The following KCNN4 variants were observed in gnomAD, a reference collection of about 807,000 sequenced individuals.
KCNN4 encodes potassium calcium-activated channel subfamily N member 4.
In KCNN4, 31 loss-of-function variants were observed where a neutral mutation model predicts 45.2. That is an observed-to-expected ratio of 0.69 (90% CI 0.52 to 0.92). The LOEUF (loss-of-function observed/expected upper bound fraction) is 0.92. KCNN4 is among the 40% of genes least tolerant of loss of function. The probability of loss-of-function intolerance (pLI) is 0.00; values close to 1 mark genes in which losing one functional copy is unlikely to be tolerated. For synonymous variants in KCNN4, 231 were observed against 254.6 expected (o/e 0.91, Z 0.88); for missense variants, 463 against 574.0 (o/e 0.81, Z 1.98).
chr19:43,776,574 G>A lies in KCNN4; in HGVS notation c.222C>T (p.Cys74=), dbSNP rs1440378597. 2 of 1,613,830 alleles carry A rather than the reference G, an allele frequency of 1.2e-6. No homozygotes were observed. The highest frequency in any genetic ancestry group is 1.1e-5 in the South Asian group (1 of 91,086). The change falls in exon 2 of 9, where the codon TGC becomes TGT. Residue 74 remains cysteine, a synonymous_variant. Transcript: ENST00000648319. Reference sequence around the variant, plus strand: ...CTTTGGCATGAAAGGCCACGATGAGGCAGAGGAGTAAGAAGGTGGAAATGC... The same window carrying A: ...CTTTGGCATGAAAGGCCACGATGAGACAGAGGAGTAAGAAGGTGGAAATGC... The part of the protein sequence containing the change: ...TISISTFLLL[C]LIVAFHAKEV...
chr19:43,767,634 G>C lies in KCNN4; in HGVS notation c.1193C>G (p.Thr398Arg). The C allele has an allele frequency of 6.2e-7, 1 of 1,614,176 alleles. No homozygotes were observed. The highest frequency in any genetic ancestry group is 8.5e-7 in the Non-Finnish European group (1 of 1,180,030). Reference protein sequence around the residue: ...SHRALEKQIDTLAGKLDALTE... With the variant: ...SHRALEKQIDRLAGKLDALTE... ...CAGGGCATCCAGCTTCCCCGCCAGC[G>C]TGTCAATCTGTTTCTCCAGGGCCCG... Residue 398 changes from threonine to arginine, a missense_variant, in exon 8 of 9, where the codon ACG becomes AGG. This residue lies in a region of KCNN4 where 129 missense variants were observed against 149.4 expected (regional missense o/e 0.86). Transcript: ENST00000648319.
intron 7 of KCNN4, 37 bp downstream of exon 7, chr19:43,768,926 C>T (rs769117930): frequency 1.9e-6 from 3 of 1,609,728 alleles, no homozygotes; most frequent in South Asian, 2.2e-5. Flanking sequence ...CCCAACCTCC[C>T]CCTTCTTCAA....
At chr19:43,771,554 G>C (rs1969644449) in intron 4 of KCNN4, among the ~76,000 whole-genome samples, 1 of 152,184 alleles carries the variant, frequency 6.6e-6, no homozygotes, top group Admixed American at 6.5e-5. Context: ...TGGAGGCTGG[G>C]AGACGATTTC....
At chr19:43,771,632 G>A (rs549358255) in intron 4 of KCNN4, among the ~76,000 whole-genome samples, 13 of 152,246 alleles carry the variant, frequency 8.5e-5, no homozygotes, top group African/African-American at 3.1e-4. Context: ...AAGGGCTGGG[G>A]CCCTAGGTTC....
At chr19:43,768,263 C>T (rs1969538978) in intron 7 of KCNN4, among the ~76,000 whole-genome samples, 1 of 152,234 alleles carries the variant, frequency 6.6e-6, no homozygotes. Flanking sequence ...TTGGGGCCTG[C>T]ATCTGTGACC....
chr19:43,770,205 C>G (rs879875660), intron 4 of KCNN4, among the ~76,000 whole-genome samples: 2 of 152,088 alleles, frequency 1.3e-5, no homozygotes, highest in Non-Finnish European at 2.9e-5. Context: ...CTTCCTAGCT[C>G]CAGCCCTGTC....
At chr19:43,770,262 C>T (rs929964481) in intron 4 of KCNN4, among the ~76,000 whole-genome samples, 4 of 152,152 alleles carry the variant, frequency 2.6e-5, no homozygotes, top group Admixed American at 6.5e-5. Flanking sequence ...CCTCCCCTAA[C>T]CCCCTTGGTC....
rs60705906 is a variant in KCNN4 at position 43,772,974 on chromosome 19, T to C, written c.684-839A>G. ...TCATTAATCCTGATTCTGACCAATT[T>C]CCCAATTGTGAAAACTAAGATCCTG... On this transcript the variant is annotated intron_variant, in intron 3 of 8. Coordinates refer to ENST00000648319, the MANE Select transcript of KCNN4 (RefSeq NM_002250.3). The surrounding 1 kb of genome is among the most constrained non-coding windows in gnomAD (Gnocchi z 4.4). Among the ~76,000 whole-genome samples, 5,077 of 152,226 alleles carry C rather than the reference T, an allele frequency of 0.033. 270 individuals are homozygous for C. Among genetic ancestry groups the C allele is most frequent in the African/African-American group, 0.12 (4,775 of 41,514 alleles).
chr19:43,777,310 TGTGTGTGTGTGTGTGG>T (rs1164413731), intron 1 of KCNN4, among the ~76,000 whole-genome samples: 2 of 148,764 alleles, frequency 1.3e-5, no homozygotes, highest in Admixed American at 1.4e-4. Context: ...TGTGTGTGTG[TGTGTGTGTGTGTGTGG>T]GTGTGTGTGT....
Position 43,772,053 on chromosome 19 carries a change from C to T in KCNN4, c.766G>A (p.Val256Met), listed in dbSNP as rs201430049. Residue 256 changes from valine to methionine, a missense_variant, in exon 4 of 9, where the codon GTG becomes ATG. By Grantham distance (21) the Val-to-Met change is conservative (BLOSUM62 1). Transcript: ENST00000648319. This position sits in a 1 kb window ranked among gnomAD's most constrained non-coding sequence, Gnocchi z 4.4. ...ITFLTIGYGD[V>M]VPGTMWGKIV... is the part of the protein sequence containing the mutation. ...TTGCCCCACATGGTGCCCGGCACCA[C>T]GTCACCATAGCCGATGGTCAGGAAT... 8 of 1,613,538 alleles carry T rather than the reference C, an allele frequency of 5.0e-6. No homozygotes were observed. The highest frequency in any genetic ancestry group is 2.2e-5 in the East Asian group (1 of 44,878).
chr19:43,772,123 A>T lies in KCNN4; in HGVS notation c.696T>A (p.Asn232Lys). 1 of 1,613,632 alleles carries T rather than the reference A, an allele frequency of 6.2e-7. No individual in the cohort carries two copies. The highest frequency in any genetic ancestry group is 8.5e-7 in the Non-Finnish European group (1 of 1,179,866). ...VLSVAERQAV[N>K]ATGHLSDTLW... ...GTGTGTCTGAAAGGTGCCCAGTGGC[A>T]TTAACAGCCTGCCTATGGGGAAGGG... Residue 232 changes from asparagine to lysine, a missense_variant, in exon 4 of 9, where the codon AAT becomes AAA. By Grantham distance (94) the Asn-to-Lys change is moderately conservative. This residue lies in a region of KCNN4 where 109 missense variants were observed against 183.7 expected (regional missense o/e 0.59). Coordinates refer to ENST00000648319, the MANE Select transcript of KCNN4 (RefSeq NM_002250.3). The surrounding 1 kb of genome is among the most constrained non-coding windows in gnomAD (Gnocchi z 4.4).
chr19:43,776,695 C>T, intron 1 of KCNN4, 59 bp from the exon 2 acceptor site: 2 of 1,081,950 alleles, frequency 1.8e-6, no homozygotes, highest in Admixed American at 1.9e-5. Context: ...GCCTGGCCCT[C>T]CACCTTTCCT....
rs1273748740 is a variant in KCNN4, at chr19:43,774,178, T to G, written c.683+14A>C. ...GGGTTCCCCCCTGCGCATTTATGCC[T>G]CCATCACCCTCACCTCTCGGCCACG... is the stretch of plus-strand genomic sequence containing the variant. On this transcript the variant is annotated intron_variant, in intron 3 of 8. Coordinates refer to ENST00000648319, the MANE Select transcript of KCNN4 (RefSeq NM_002250.3). This position sits in a 1 kb window ranked among gnomAD's most constrained non-coding sequence, Gnocchi z 5.6. The G allele has an allele frequency of 6.2e-7, 1 of 1,602,216 alleles. No individual in the cohort carries two copies.
At chr19:43,780,144 G>C (rs536827017) in intron 1 of KCNN4, among the ~76,000 whole-genome samples, 38 of 152,168 alleles carry the variant, frequency 2.5e-4, no homozygotes, top group African/African-American at 9.2e-4. Flanking sequence ...TTGGCTCTTG[G>C]GGGGCTTGAG....
In KCNN4 at chr19:43,771,995, C is replaced by T. The variant is rs769269597; in HGVS notation, c.819+5G>A. 1.2e-5 allele frequency: 19 copies of T among 1,603,198 alleles called. No individual in the cohort carries two copies. The highest frequency in any genetic ancestry group is 1.6e-5 in the Non-Finnish European group (19 of 1,175,770). On this transcript the variant is annotated splice_donor_5th_base_variant and intron_variant, in intron 4 of 8. Transcript: ENST00000648319. ...GGATCATGTCCCCAAGGCAGCTGTACTCACCATGACTCCAGTGCACAGGCA... is the reference window on the plus strand; with the variant it reads ...GGATCATGTCCCCAAGGCAGCTGTATTCACCATGACTCCAGTGCACAGGCA...
chr19:43,775,833 C>A (rs1013735066), intron 2 of KCNN4, among the ~76,000 whole-genome samples: 2 of 151,532 alleles, frequency 1.3e-5, no homozygotes, highest in Admixed American at 6.6e-5. Context: ...GGAGTGGGCA[C>A]CCCTGGGACC....
In KCNN4 at chr19:43,774,693, C is replaced by T. The variant is rs1299119728; in HGVS notation, c.256-74G>A. The T allele has an allele frequency of 1.5e-6, 2 of 1,334,778 alleles. No individual in the cohort carries two copies. Among genetic ancestry groups the T allele is most frequent in the African/African-American group, 3.1e-5 (2 of 64,416 alleles). The allele number at this position is 1,334,778 out of a possible 1,614,324, so 82.7% of individuals were successfully genotyped here. A position where few individuals can be genotyped will look rare whatever the true frequency, so the allele number is the denominator to read the frequency against. On this transcript the variant is annotated intron_variant, in intron 2 of 8. Transcript: ENST00000648319. This position sits in a 1 kb window ranked among gnomAD's most constrained non-coding sequence, Gnocchi z 5.6. ...AGGTCAGGCGGCGGCCCGCGCCTGC[C>T]TGCGCCCTGAGATAAGTGGGGTGTG...
At chr19:43,770,943 A>G (rs2034547283) in intron 4 of KCNN4, among the ~76,000 whole-genome samples, 1 of 152,052 alleles carries the variant, frequency 6.6e-6, no homozygotes, top group African/African-American at 2.4e-5. Context: ...CCTTGCTCCA[A>G]AGACTCACCA....
In KCNN4 at chr19:43,776,553, G is replaced by A. The variant is rs185106588; in HGVS notation, c.243C>T (p.Ala81=). The change falls in exon 2 of 9, where the codon GCC becomes GCT. Residue 81 remains alanine (A), a synonymous_variant. Coordinates refer to ENST00000648319, the MANE Select transcript of KCNN4 (RefSeq NM_002250.3). Reference sequence around the variant, plus strand: ...GGGCCTGCCCTACCTGGACCTCTTTGGCATGAAAGGCCACGATGAGGCAGA... The same window carrying A: ...GGGCCTGCCCTACCTGGACCTCTTTAGCATGAAAGGCCACGATGAGGCAGA... ...LLLCLIVAFH[A]KEVQLFMTDN... is the part of the protein sequence containing the mutation. The A allele has an allele frequency of 6.8e-5, 109 of 1,612,256 alleles. 1 individual carries two copies. In the Admixed American group the frequency reaches 8.7e-4, roughly 13 times the overall value.
Sources: allele counts gnomAD v4.1 joint callset (sites outside exome capture counted in the v4.1 genomes callset), GRCh38; gene constraint gnomAD v4.1.1; regional missense constraint gnomAD v4.1.1; non-coding constraint Gnocchi (gnomAD v3.1); transcripts MANE v1.5; gene names NCBI Gene and HGNC (gene_info 2026-07-23, HGNC 2026-07-21).